ZNF804A: variants seen among roughly 807,000 people sequenced by gnomAD.
The protein encoded by ZNF804A is zinc finger protein 804A.
A neutral mutation model predicts 16.5 loss-of-function variants in ZNF804A; 2 were observed. The ratio of observed to expected loss-of-function variants is 0.12; its 90% CI spans 0.05 to 0.38. The LOEUF (loss-of-function observed/expected upper bound fraction) is 0.38, where lower values mean the gene tolerates loss of function less well. Among genes scored for constraint, ZNF804A ranks in the 10% least tolerant of loss-of-function variants. The pLI, the probability that ZNF804A is intolerant of heterozygous loss-of-function variation, is 0.99. For missense variants in ZNF804A, 1,473 were observed against 1,390.7 expected (o/e 1.06, Z -0.94); for synonymous variants, 534 against 489.6 (o/e 1.09, Z -1.20).
At chr2:184,738,178 A>C (rs905872353) in intron 1 of ZNF804A, among the ~76,000 whole-genome samples, 1 of 152,036 alleles carries the variant, frequency 6.6e-6, no homozygotes, top group Non-Finnish European at 1.5e-5. Context: ...GAAGCCAATG[A>C]AGTGAAAGTT....
chr2:184,914,881 T>C (rs1685420905), intron 2 of ZNF804A, among the ~76,000 whole-genome samples: 1 of 151,816 alleles, frequency 6.6e-6, no homozygotes, highest in South Asian at 2.1e-4. Flanking sequence ...TTAAAGATCA[T>C]GTAAGCAATA....
chr2:184,842,766 A>T (rs1695457427), intron 1 of ZNF804A, among the ~76,000 whole-genome samples: 2 of 152,168 alleles, frequency 1.3e-5, no homozygotes, highest in South Asian at 4.1e-4. Flanking sequence ...GGGAAATTTT[A>T]GTCTTGATAG....
chr2:184,825,223 GATAA>G (rs1226969571), intron 1 of ZNF804A, among the ~76,000 whole-genome samples: 2 of 152,026 alleles, frequency 1.3e-5, no homozygotes, highest in East Asian at 1.9e-4. Context: ...ATATCTGATG[GATAA>G]ATAAATTAAC....
At chr2:184,767,890 A>C (rs1694154357) in intron 1 of ZNF804A, among the ~76,000 whole-genome samples, 1 of 152,132 alleles carries the variant, frequency 6.6e-6, no homozygotes, top group Non-Finnish European at 1.5e-5. Context: ...TCTGTTCGCT[A>C]CTAAAGCATT....
chr2:184,677,879 C>T (rs1387109218), intron 1 of ZNF804A, among the ~76,000 whole-genome samples: 1 of 152,002 alleles, frequency 6.6e-6, no homozygotes, highest in East Asian at 1.9e-4. Context: ...AATTCGGTCC[C>T]ACCACAGGCT....
At chr2:184,820,299 A>G (rs1411713701) in intron 1 of ZNF804A, among the ~76,000 whole-genome samples, 2 of 152,186 alleles carry the variant, frequency 1.3e-5, no homozygotes, top group Non-Finnish European at 2.9e-5. Flanking sequence ...TCACATAAAC[A>G]GAACTAAAGA....
intron 2 of ZNF804A, among the ~76,000 whole-genome samples, chr2:184,933,154 C>A (rs1308143695): frequency 6.6e-6 from 1 of 151,958 alleles, no homozygotes; most frequent in African/African-American, 2.4e-5. Context: ...CACACACACA[C>A]ACACACACAC....
At chr2:184,813,295 AG>A (rs1353944039) in intron 1 of ZNF804A, among the ~76,000 whole-genome samples, 1 of 152,192 alleles carries the variant, frequency 6.6e-6, no homozygotes, top group Non-Finnish European at 1.5e-5. Flanking sequence ...TATTTGAGGA[AG>A]TAATATACGT....
intron 1 of ZNF804A, among the ~76,000 whole-genome samples, chr2:184,627,877 T>C (rs1164483952): frequency 1.3e-5 from 2 of 152,152 alleles, no homozygotes; most frequent in Non-Finnish European, 1.5e-5. Flanking sequence ...GTGCCTTGAA[T>C]TTCAACTTCC....
chr2:184,763,631 T>TC (rs1491571693), intron 1 of ZNF804A, among the ~76,000 whole-genome samples: 1 of 4,556 alleles, frequency 2.2e-4, no homozygotes, highest in Non-Finnish European at 5.9e-4. Flanking sequence ...TTCAAAGTGC[T>TC]TTTTTTTTTT....
intron 1 of ZNF804A, among the ~76,000 whole-genome samples, chr2:184,652,418 C>A (rs891930636): frequency 6.6e-6 from 1 of 151,830 alleles, no homozygotes; most frequent in African/African-American, 2.4e-5. Context: ...TCATGTATCT[C>A]CTGAATCTGA....
chr2:184,921,569 A>G (rs1032263452), intron 2 of ZNF804A, among the ~76,000 whole-genome samples: 2 of 152,204 alleles, frequency 1.3e-5, no homozygotes, highest in Admixed American at 6.5e-5. Flanking sequence ...CATGCAATGC[A>G]TAAGAATTAC....
At chr2:184,726,296 C>T (rs912984809) in intron 1 of ZNF804A, among the ~76,000 whole-genome samples, 5 of 151,492 alleles carry the variant, frequency 3.3e-5, no homozygotes, top group Non-Finnish European at 5.9e-5. Context: ...GGTATTGTCA[C>T]CATTGTTTGT....
At chr2:184,674,964 C>T (rs1460423730) in intron 1 of ZNF804A, among the ~76,000 whole-genome samples, 2 of 151,704 alleles carry the variant, frequency 1.3e-5, no homozygotes, top group Non-Finnish European at 3.0e-5. Flanking sequence ...TGGTCCATAC[C>T]TACACACCAG....
At chr2:184,798,033 TG>T (rs1694663507) in intron 1 of ZNF804A, among the ~76,000 whole-genome samples, 1 of 150,596 alleles carries the variant, frequency 6.6e-6, no homozygotes, top group African/African-American at 2.5e-5. Flanking sequence ...TGTGTGTGTG[TG>T]TGTGTGTGTG....
intron 2 of ZNF804A, among the ~76,000 whole-genome samples, chr2:184,911,151 G>T (rs1011983534): frequency 1.3e-5 from 2 of 151,942 alleles, no homozygotes; most frequent in Admixed American, 1.3e-4. Flanking sequence ...TTTGTATTTG[G>T]TGAGAGTTAG....
At chr2:184,728,588 T>C (rs1264383409) in intron 1 of ZNF804A, among the ~76,000 whole-genome samples, 2 of 151,870 alleles carry the variant, frequency 1.3e-5, no homozygotes, top group Non-Finnish European at 2.9e-5. Context: ...TGTCTGAAGA[T>C]GGGTGGTATT....
intron 2 of ZNF804A, among the ~76,000 whole-genome samples, chr2:184,900,046 A>T (rs1183156211): frequency 1.3e-5 from 2 of 152,156 alleles, no homozygotes; most frequent in Non-Finnish European, 2.9e-5. Context: ...ATTATAATTC[A>T]GTTTTAAAAT....
intron 1 of ZNF804A, among the ~76,000 whole-genome samples, chr2:184,613,063 T>C (rs1309715778): frequency 4.6e-5 from 7 of 152,254 alleles, no homozygotes; most frequent in Admixed American, 3.3e-4. Context: ...TATTTGCCTT[T>C]CAGGCATCCA....
Sources: allele counts gnomAD v4.1 joint callset (sites outside exome capture counted in the v4.1 genomes callset), GRCh38; gene constraint gnomAD v4.1.1; transcripts MANE v1.5; gene names NCBI Gene and HGNC (gene_info 2026-07-23, HGNC 2026-07-21).